TGFA: variants seen among roughly 807,000 people sequenced by gnomAD.
TGFA encodes protransforming growth factor alpha.
In TGFA, 12 loss-of-function variants were observed where a neutral mutation model predicts 21.7. The observed-to-expected ratio is 0.55, with a 90% CI of 0.35 to 0.90. The LOEUF (loss-of-function observed/expected upper bound fraction) is 0.90, where lower values mean the gene tolerates loss of function less well. TGFA is among the 40% of genes least tolerant of loss of function. The probability of loss-of-function intolerance (pLI) is 0.01; values close to 1 mark genes in which losing one functional copy is unlikely to be tolerated. For missense variants in TGFA, 178 were observed against 210.8 expected (o/e 0.84, Z 0.96); for synonymous variants, 79 against 88.1 (o/e 0.90, Z 0.58).
chr2:70,502,204 T>G (rs1187202584), intron 2 of TGFA, among the ~76,000 whole-genome samples: 2 of 151,920 alleles, frequency 1.3e-5, no homozygotes, highest in African/African-American at 4.8e-5. Context: ...ACCGAGGGGG[T>G]GTGTTTTCTC....
chr2:70,547,840 T>G (rs1365427273), intron 1 of TGFA, among the ~76,000 whole-genome samples: 4 of 146,940 alleles, frequency 2.7e-5, no homozygotes, highest in Non-Finnish European at 6.0e-5. Flanking sequence ...TAGATATATA[T>G]AGAGATATAT....
At chr2:70,501,850 C>T (rs1451329666) in intron 2 of TGFA, among the ~76,000 whole-genome samples, 2 of 152,248 alleles carry the variant, frequency 1.3e-5, no homozygotes, top group African/African-American at 4.8e-5. Flanking sequence ...ATCATCACCT[C>T]TCCCTGAACC....
intron 2 of TGFA, among the ~76,000 whole-genome samples, chr2:70,494,534 G>T (rs1671525281): frequency 6.6e-6 from 1 of 152,124 alleles, no homozygotes; most frequent in African/African-American, 2.4e-5. Flanking sequence ...TGTTATTTCT[G>T]GGTCAACAGA....
chr2:70,512,607 G>A (rs1347873337), intron 2 of TGFA, among the ~76,000 whole-genome samples: 2 of 152,226 alleles, frequency 1.3e-5, no homozygotes, highest in South Asian at 2.1e-4. Context: ...TGGAACAGAG[G>A]TTGTTCACGA....
chr2:70,501,605 T>C (rs1671740357), intron 2 of TGFA, among the ~76,000 whole-genome samples: 1 of 152,224 alleles, frequency 6.6e-6, no homozygotes, highest in Non-Finnish European at 1.5e-5. Flanking sequence ...CTCTTTTTCT[T>C]TTTTTGAGCA....
Position 70,521,220 on chromosome 2 carries a change from C to G in TGFA, c.41-6308G>C, listed in dbSNP as rs72828666. Among the ~76,000 whole-genome samples, 1,488 of 152,254 alleles carry G rather than the reference C, an allele frequency of 9.8e-3. 10 individuals carry two copies. Among genetic ancestry groups the G allele is most frequent in the Non-Finnish European group, 0.016 (1,110 of 68,002 alleles). On this transcript the variant is annotated intron_variant, in intron 1 of 5. Transcript: ENST00000295400. ...ACCCAGCGCAGAGACAGAACCCAGC[C>G]CCAAGTCCTGAGTAGAGATTTAGCA... is the stretch of plus-strand genomic sequence containing the variant.
chr2:70,523,358 AAAGG>A (rs1553502575), intron 1 of TGFA, among the ~76,000 whole-genome samples: 1 of 152,214 alleles, frequency 6.6e-6, no homozygotes, highest in Non-Finnish European at 1.5e-5. Flanking sequence ...CTCTTCAAGC[AAAGG>A]CAAGACTTGC....
intron 2 of TGFA, among the ~76,000 whole-genome samples, chr2:70,494,175 T>C (rs925051001): frequency 6.6e-6 from 1 of 152,152 alleles, no homozygotes; most frequent in Non-Finnish European, 1.5e-5. Flanking sequence ...ACATCTTCTC[T>C]TCTGTTTGTG....
intron 3 of TGFA, among the ~76,000 whole-genome samples, chr2:70,457,256 C>G (rs574716541): frequency 1.3e-5 from 2 of 152,238 alleles, no homozygotes; most frequent in African/African-American, 4.8e-5. Context: ...GCGAGTCATT[C>G]AGAGGTTCTT....
At chr2:70,505,518 CA>C (rs1219841657) in intron 2 of TGFA, among the ~76,000 whole-genome samples, 2 of 152,072 alleles carry the variant, frequency 1.3e-5, no homozygotes, top group African/African-American at 2.4e-5. Context: ...GATTTCATAG[CA>C]ATACCCGACA....
At position 70,449,222 on chromosome 2, in the gene TGFA, C is replaced by CTTCCAGACCAAGGAAGAAGAAT. The variant is rs1420962267; in HGVS notation, c.*1615_*1636dup. ...AAAGAGAAAATTCATAGAAATTGTT[C>CTTCCAGACCAAGGAAGAAGAAT]TTCCAGACCAAGGAAGAAGAATTAG... On this transcript the variant is annotated 3_prime_UTR_variant, in exon 6 of 6. Transcript: ENST00000295400. The CTTCCAGACCAAGGAAGAAGAAT allele has an allele frequency of 6.6e-6, 1 of 152,074 alleles. No individual in the cohort carries two copies. The allele number at this position is 152,074 out of a possible 1,614,324, so 9.4% of individuals were successfully genotyped here. A position where few individuals can be genotyped will look rare whatever the true frequency, so the allele number is the denominator to read the frequency against.
chr2:70,532,442 G>A (rs545318654), intron 1 of TGFA, among the ~76,000 whole-genome samples: 3 of 152,280 alleles, frequency 2.0e-5, no homozygotes, highest in African/African-American at 7.2e-5. Flanking sequence ...GAGCAGGCAC[G>A]CTTGGCTTTG....
intron 1 of TGFA, among the ~76,000 whole-genome samples, chr2:70,539,772 C>G (rs2103928935): frequency 6.6e-6 from 1 of 152,282 alleles, no homozygotes; most frequent in South Asian, 2.1e-4. Context: ...ATATTTCAAT[C>G]TTGCATCCTA....
chr2:70,547,557 A>C (rs1673344915), intron 1 of TGFA, among the ~76,000 whole-genome samples: 1 of 150,488 alleles, frequency 6.6e-6, no homozygotes, highest in East Asian at 1.9e-4. Flanking sequence ...AAAAAAAAAA[A>C]AAACATGAAA....
At chr2:70,543,150 T>C (rs551778584) in intron 1 of TGFA, among the ~76,000 whole-genome samples, 33 of 152,106 alleles carry the variant, frequency 2.2e-4, no homozygotes, top group South Asian at 4.2e-4. Flanking sequence ...GTTTTTTCCC[T>C]CTAAATATCA....
chr2:70,477,345 C>T (rs1211249477), intron 2 of TGFA, among the ~76,000 whole-genome samples: 1 of 152,202 alleles, frequency 6.6e-6, no homozygotes, highest in Non-Finnish European at 1.5e-5. Context: ...CACACTCCTA[C>T]CATAAACAAC....
chr2:70,527,969 T>C (rs1367320033), intron 1 of TGFA, among the ~76,000 whole-genome samples: 16 of 152,228 alleles, frequency 1.1e-4, no homozygotes, highest in Admixed American at 1.0e-3. Context: ...CACTGCTTAG[T>C]CGTGGATGAG....
In TGFA at chr2:70,491,247, G is replaced by A. The variant is rs191875565; in HGVS notation, c.94+23612C>T. Among the ~76,000 whole-genome samples the A allele has an allele frequency of 7.2e-4, 110 of 152,352 alleles. 1 individual carries two copies. The highest frequency in any genetic ancestry group is 1.3e-3 in the Non-Finnish European group (86 of 68,032). The stretch of plus-strand genomic sequence containing the variant: ...AGGCTATTCAGCAGCCAGGTATGTA[G>A]TATCAGGGATGGGGTTGGAATGGGG... On this transcript the variant is annotated intron_variant, in intron 2 of 5. Transcript: ENST00000295400.
At position 70,460,239 on chromosome 2, in the gene TGFA, G is replaced by A. The variant is rs549202420; in HGVS notation, c.216-3751C>T. Among the ~76,000 whole-genome samples, 228 of 152,248 alleles carry A rather than the reference G, an allele frequency of 1.5e-3. 2 individuals carry two copies. The highest frequency in any genetic ancestry group is 5.3e-3 in the African/African-American group (221 of 41,526). On this transcript the variant is annotated intron_variant, in intron 3 of 5. Transcript: ENST00000295400. Reference sequence around the variant, plus strand: ...ATCAGAATCTCTGGGAGTCAGTCCTGGGCATCAAGATTTTTAAAGCTCCTA... The same window carrying A: ...ATCAGAATCTCTGGGAGTCAGTCCTAGGCATCAAGATTTTTAAAGCTCCTA...
Sources: allele counts gnomAD v4.1 joint callset (sites outside exome capture counted in the v4.1 genomes callset), GRCh38; gene constraint gnomAD v4.1.1; transcripts MANE v1.5; gene names NCBI Gene and HGNC (gene_info 2026-07-23, HGNC 2026-07-21).